ELP4: variants seen among roughly 807,000 people sequenced by gnomAD.
ELP4 encodes elongator acetyltransferase complex subunit 4.
A neutral mutation model predicts 48.9 loss-of-function variants in ELP4; 51 were observed. That is an observed-to-expected ratio of 1.04 (90% confidence interval 0.83 to 1.32). The LOEUF is 1.32. Ranked by LOEUF, ELP4 falls within the 40% of genes most tolerant of loss-of-function variation. The pLI, the probability that ELP4 is intolerant of heterozygous loss-of-function variation, is 0.00. For missense variants in ELP4, 519 were observed against 514.6 expected (o/e 1.01, Z -0.08); for synonymous variants, 210 against 189.2 (o/e 1.11, Z -0.90).
chr11:31,737,681 C>A (rs906123558), intron 9 of ELP4, among the ~76,000 whole-genome samples: 2 of 151,908 alleles, frequency 1.3e-5, no homozygotes, highest in African/African-American at 4.8e-5. Flanking sequence ...GGACTTGAAT[C>A]GACATTTCTT....
chr11:31,773,005 T>C (rs1948180614), intron 9 of ELP4, among the ~76,000 whole-genome samples: 1 of 152,262 alleles, frequency 6.6e-6, no homozygotes, highest in Non-Finnish European at 1.5e-5. Context: ...TTTCCTTGTC[T>C]GTTATCAGCC....
chr11:31,597,543 G>A (rs1269253079), intron 4 of ELP4, among the ~76,000 whole-genome samples: 3 of 152,070 alleles, frequency 2.0e-5, no homozygotes, highest in Admixed American at 6.5e-5. Flanking sequence ...TGGCCTTAAT[G>A]GTGACTGTAT....
At chr11:31,572,325 A>G (rs17634869) in intron 3 of ELP4, among the ~76,000 whole-genome samples, 1 of 151,966 alleles carries the variant, frequency 6.6e-6, no homozygotes, top group East Asian at 1.9e-4. Flanking sequence ...TGGCATTTAA[A>G]ATTTTTAATT....
At chr11:31,660,869 A>G (rs973469790) in intron 9 of ELP4, among the ~76,000 whole-genome samples, 15 of 152,194 alleles carry the variant, frequency 9.9e-5, no homozygotes, top group Admixed American at 5.9e-4. Context: ...AGCCTTTTCA[A>G]TAAGTCTTAG....
intron 9 of ELP4, among the ~76,000 whole-genome samples, chr11:31,773,664 C>T (rs927718962): frequency 1.3e-5 from 2 of 152,210 alleles, no homozygotes; most frequent in Non-Finnish European, 1.5e-5. Flanking sequence ...AATAAATGGT[C>T]TCCACAACTG....
At chr11:31,744,083 A>G (rs1423932700) in intron 9 of ELP4, among the ~76,000 whole-genome samples, 3 of 152,228 alleles carry the variant, frequency 2.0e-5, no homozygotes, top group African/African-American at 7.2e-5. Flanking sequence ...CCACAGAAAT[A>G]CAAACTACCA....
At chr11:31,648,600 T>C (rs1565095462) in intron 8 of ELP4, 1 of 151,546 alleles carries the variant, frequency 6.6e-6, no homozygotes, top group Non-Finnish European at 1.5e-5. Flanking sequence ...TTAGTATAAA[T>C]AAATTATTGC....
At chr11:31,646,208 C>T (rs1945192906) in intron 7 of ELP4, 1 of 151,758 alleles carries the variant, frequency 6.6e-6, no homozygotes, top group African/African-American at 2.4e-5. Context: ...CATTTCCAAA[C>T]TATGTTTTTC....
At chr11:31,671,793 CA>C in intron 9 of ELP4, among the ~76,000 whole-genome samples, 1 of 152,244 alleles carries the variant, frequency 6.6e-6, no homozygotes, top group African/African-American at 2.4e-5. Context: ...AGAAAATAAA[CA>C]ACAAGACTTA....
chr11:31,636,417 T>A (rs1332736554), intron 7 of ELP4, among the ~76,000 whole-genome samples: 1 of 151,966 alleles, frequency 6.6e-6, no homozygotes, highest in African/African-American at 2.4e-5. Context: ...TAAAATATCC[T>A]TATTTCTTGA....
At chr11:31,667,548 G>A (rs945782715) in intron 9 of ELP4, among the ~76,000 whole-genome samples, 3 of 151,908 alleles carry the variant, frequency 2.0e-5, no homozygotes, top group Non-Finnish European at 4.4e-5. Context: ...TATTTTCTAC[G>A]TTATTTTTAT....
At chr11:31,592,578 A>G (rs1037028495) in intron 3 of ELP4, among the ~76,000 whole-genome samples, 23 of 149,916 alleles carry the variant, frequency 1.5e-4, no homozygotes, top group African/African-American at 5.6e-4. Flanking sequence ...AAGAAACCTT[A>G]TATATGTATA....
chr11:31,743,258 T>A (rs1459506570), intron 9 of ELP4, among the ~76,000 whole-genome samples: 1 of 152,188 alleles, frequency 6.6e-6, no homozygotes, highest in Non-Finnish European at 1.5e-5. Flanking sequence ...AAGTCCTTAG[T>A]GACCTACAAA....
chr11:31,722,701 C>CTG (rs1946993573), intron 9 of ELP4, among the ~76,000 whole-genome samples: 2 of 89,344 alleles, frequency 2.2e-5, no homozygotes, highest in Non-Finnish European at 4.0e-5. Context: ...CTCTCTGTCT[C>CTG]TCTCTTTCTC....
At chr11:31,699,639 G>A (rs1287272560) in intron 9 of ELP4, among the ~76,000 whole-genome samples, 2 of 152,106 alleles carry the variant, frequency 1.3e-5, no homozygotes, top group Non-Finnish European at 2.9e-5. Flanking sequence ...TGAGGAAAAC[G>A]ATATTGACAT....
chr11:31,608,695 C>T (rs1957922945), intron 5 of ELP4, among the ~76,000 whole-genome samples: 2 of 151,910 alleles, frequency 1.3e-5, no homozygotes, highest in Middle Eastern at 3.4e-3. Flanking sequence ...TAAAATGTTT[C>T]GGCCTACGAT....
chr11:31,593,916 G>A (rs925343679), intron 3 of ELP4, among the ~76,000 whole-genome samples: 28 of 152,062 alleles, frequency 1.8e-4, no homozygotes, highest in Admixed American at 3.9e-4. Context: ...CTGATTTGTC[G>A]ACATGATTCT....
chr11:31,695,494 C>G (rs1042077471), intron 9 of ELP4, among the ~76,000 whole-genome samples: 4 of 151,640 alleles, frequency 2.6e-5, no homozygotes, highest in African/African-American at 9.7e-5. Flanking sequence ...ACCCTTGCAT[C>G]CTAGGGATGA....
chr11:31,669,992 C>T (rs188700982), intron 9 of ELP4, among the ~76,000 whole-genome samples: 1 of 152,280 alleles, frequency 6.6e-6, no homozygotes, highest in East Asian at 1.9e-4. Flanking sequence ...TAGTGAAGAT[C>T]TTGCTAGCTC....
Sources: gnomAD v4.1 joint callset for allele counts (sites outside exome capture counted in the v4.1 genomes callset) on GRCh38, gnomAD v4.1.1 for gene constraint, MANE v1.5 for transcripts, NCBI Gene and HGNC (gene_info 2026-07-23, HGNC 2026-07-21) for gene names.